Variants in PPP1R12B observed in about 807,000 individuals in gnomAD.
The protein encoded by PPP1R12B is protein phosphatase 1 regulatory subunit 12B.
PPP1R12B carries 76 observed loss-of-function variants against 126.1 expected under a neutral mutation model. The ratio of observed to expected loss-of-function variants is 0.60; its 90% CI spans 0.50 to 0.73. The LOEUF (loss-of-function observed/expected upper bound fraction) is 0.73. Among genes scored for constraint, PPP1R12B ranks in the 30% least tolerant of loss-of-function variants. The pLI, the probability that PPP1R12B is intolerant of heterozygous loss-of-function variation, is 0.00. For missense variants in PPP1R12B, 1,052 were observed against 1,205.1 expected, an observed-to-expected ratio of 0.87 and a Z score of 1.88; for synonymous variants, 356 against 434.7, an observed-to-expected ratio of 0.82 and a Z score of 2.25.
intron 13 of PPP1R12B, among the ~76,000 whole-genome samples, chr1:202,459,486 T>C (rs1303793519): frequency 1.3e-5 from 2 of 152,210 alleles, no homozygotes; most frequent in Non-Finnish European, 2.9e-5. Flanking sequence ...TAAAACAGTT[T>C]ATTCCTTTTT....
rs796627172 is a variant in PPP1R12B, at chr1:202,526,300, C to T, written c.2490+29478C>T. 4.6e-5 allele frequency among the ~76,000 whole-genome samples: 7 copies of T among 152,070 alleles called. 1 individual carries two copies. The highest frequency in any genetic ancestry group is 1.4e-4 in the African/African-American group (6 of 41,468). On this transcript the variant is annotated intron_variant, in intron 18 of 23. Coordinates refer to ENST00000608999, the MANE Select transcript of PPP1R12B (RefSeq NM_002481.4). ...AGCAAGACCAGCAGCCAAGAAAGAACGTGAGGAAGGAGGTGTTGGGTGTTT... is the reference window on the plus strand; with the variant it reads ...AGCAAGACCAGCAGCCAAGAAAGAATGTGAGGAAGGAGGTGTTGGGTGTTT...
rs780093896 is a variant in PPP1R12B, at chr1:202,496,849, C to T, written c.2490+27C>T. On this transcript the variant is annotated intron_variant, in intron 18 of 23. Transcript: ENST00000608999. Reference sequence around the variant, plus strand: ...TAAGTGACAAGCCAGTGAAGCATGTCTCTTGAGAGCACAGTCTTGCTCTTG... The same window carrying T: ...TAAGTGACAAGCCAGTGAAGCATGTTTCTTGAGAGCACAGTCTTGCTCTTG... 2.5e-6 allele frequency: 4 copies of T among 1,594,150 alleles called. No individual in the cohort carries two copies. In the South Asian group the frequency reaches 4.4e-5, roughly 18 times the overall value.
intron 8 of PPP1R12B, among the ~76,000 whole-genome samples, chr1:202,433,152 G>A (rs574156170): frequency 6.0e-4 from 92 of 152,300 alleles, no homozygotes; most frequent in African/African-American, 2.0e-3. Flanking sequence ...TGTAGTACCT[G>A]TCAGAATTTA....
chr1:202,400,529 T>A lies in PPP1R12B; in HGVS notation c.292-16258T>A, dbSNP rs372676261. ...TTTAAACTAAGTCTTTCAGACCATGTAGAAGCTCTAAGCAGGAAAATGCAT... is the reference window on the plus strand; with the variant it reads ...TTTAAACTAAGTCTTTCAGACCATGAAGAAGCTCTAAGCAGGAAAATGCAT... On this transcript the variant is annotated intron_variant, in intron 1 of 23. Transcript: ENST00000608999. 2.0e-5 allele frequency among the ~76,000 whole-genome samples: 3 copies of A among 152,212 alleles called. No individual in the cohort carries two copies. In the East Asian group the frequency reaches 5.8e-4, roughly 29 times the overall value.
intron 1 of PPP1R12B, among the ~76,000 whole-genome samples, chr1:202,354,188 G>A (rs74828998): frequency 0.19 from 29,444 of 151,970 alleles, 3,016 homozygotes; most frequent in Non-Finnish European, 0.22. Context: ...TGACAAATGC[G>A]TACAGTTGTG....
chr1:202,509,583 T>A (rs1375580331), intron 18 of PPP1R12B, among the ~76,000 whole-genome samples: 2 of 152,216 alleles, frequency 1.3e-5, no homozygotes, highest in African/African-American at 4.8e-5. Flanking sequence ...ATTATGACCG[T>A]AAGTAAATTT....
intron 13 of PPP1R12B, among the ~76,000 whole-genome samples, chr1:202,467,579 T>G (rs574834871): frequency 1.4e-4 from 22 of 152,344 alleles, no homozygotes; most frequent in African/African-American, 5.3e-4. Flanking sequence ...CTGCATAGTA[T>G]TCCATGGTGT....
intron 15 of PPP1R12B, 123 bp downstream of exon 15, chr1:202,493,440 G>A: frequency 9.2e-7 from 1 of 1,087,602 alleles, no homozygotes; most frequent in Non-Finnish European, 1.3e-6. Context: ...ACTCAGTATG[G>A]CTGTCTTTAG....
At chr1:202,563,221 G>A (rs1272521121) in intron 20 of PPP1R12B, among the ~76,000 whole-genome samples, 1 of 152,070 alleles carries the variant, frequency 6.6e-6, no homozygotes, top group Non-Finnish European at 1.5e-5. Context: ...GGTTCATAGG[G>A]TCCTCCTGCC....
At chr1:202,550,963 C>T (rs1377013139) in intron 18 of PPP1R12B, among the ~76,000 whole-genome samples, 1 of 152,078 alleles carries the variant, frequency 6.6e-6, no homozygotes, top group Non-Finnish European at 1.5e-5. Flanking sequence ...GGAATATTCA[C>T]AAAAGGGAGG....
chr1:202,537,089 C>T (rs1193544138), intron 18 of PPP1R12B, among the ~76,000 whole-genome samples: 4 of 152,192 alleles, frequency 2.6e-5, no homozygotes, highest in Non-Finnish European at 5.9e-5. Context: ...TGGCTCACGC[C>T]TGTAATCCCA....
intron 18 of PPP1R12B, among the ~76,000 whole-genome samples, chr1:202,546,128 G>T (rs1473215360): frequency 1.3e-5 from 2 of 152,186 alleles, no homozygotes; most frequent in Non-Finnish European, 2.9e-5. Context: ...CAGTATTCCG[G>T]GTGAGAAATG....
intron 1 of PPP1R12B, among the ~76,000 whole-genome samples, chr1:202,370,453 A>T (rs1660019967): frequency 6.6e-6 from 1 of 152,176 alleles, no homozygotes; most frequent in Non-Finnish European, 1.5e-5. Flanking sequence ...AGATGCTGTG[A>T]GTAGTCTACA....
intron 1 of PPP1R12B, among the ~76,000 whole-genome samples, chr1:202,391,643 A>AAAAC (rs1211813661): frequency 5.2e-5 from 6 of 114,858 alleles, no homozygotes; most frequent in Non-Finnish European, 9.2e-5. Flanking sequence ...AAGATAAATG[A>AAAAC]ATTATCTTCA....
intron 18 of PPP1R12B, among the ~76,000 whole-genome samples, chr1:202,555,929 G>A (rs1686881400): frequency 6.7e-6 from 1 of 149,576 alleles, no homozygotes; most frequent in Non-Finnish European, 1.5e-5. Flanking sequence ...AGGCTGGAGT[G>A]CAGTGACGCT....
chr1:202,544,088 T>C lies in PPP1R12B; in HGVS notation c.2491-14789T>C, dbSNP rs544992056. Among the ~76,000 whole-genome samples, 9 of 152,326 alleles carry C rather than the reference T, an allele frequency of 5.9e-5. No homozygotes were observed. The South Asian group carries it at 1.9e-3, about 32-fold the overall frequency. ...TAATGGGAACCACACCAGGTAGATATTGATGAGAATTTGAAAGCTCAGTCT... is the reference window on the plus strand; with the variant it reads ...TAATGGGAACCACACCAGGTAGATACTGATGAGAATTTGAAAGCTCAGTCT... On this transcript the variant is annotated intron_variant, in intron 18 of 23. Coordinates refer to ENST00000608999, the MANE Select transcript of PPP1R12B (RefSeq NM_002481.4).
intron 14 of PPP1R12B, among the ~76,000 whole-genome samples, chr1:202,489,417 T>TTG (rs1328099500): frequency 2.6e-5 from 4 of 152,202 alleles, no homozygotes; most frequent in African/African-American, 7.2e-5. Flanking sequence ...ATATAGGTGT[T>TTG]TGTAATAGTA....
rs368133673 is a variant in PPP1R12B at position 202,425,668 on chromosome 1, G to T, written c.644G>T (p.Arg215Leu). The change falls in exon 4 of 24, where the codon CGC becomes CTC. Residue 215 changes from arginine (R) to leucine (L), a missense_variant. Transcript: ENST00000608999. ...AAAATAGAGGATGTGAGGCAGGCTC[G>T]CTCAGGGGCTACAGCCCTTCATGTG... is the stretch of plus-strand genomic sequence containing the variant. ...SGKIEDVRQA[R>L]SGATALHVAA... is the part of the protein sequence containing the mutation. 2.5e-6 allele frequency: 4 copies of T among 1,613,808 alleles called. No individual in the cohort carries two copies. In the African/African-American group the frequency reaches 4.0e-5, roughly 16 times the overall value.
intron 18 of PPP1R12B, among the ~76,000 whole-genome samples, chr1:202,500,669 G>A (rs1680128507): frequency 6.6e-6 from 1 of 152,106 alleles, no homozygotes; most frequent in African/African-American, 2.4e-5. Context: ...GCACTAAAGG[G>A]TGAATATAGT....
Sources: allele counts gnomAD v4.1 joint callset (sites outside exome capture counted in the v4.1 genomes callset), GRCh38; gene constraint gnomAD v4.1.1; transcripts MANE v1.5; gene names NCBI Gene and HGNC (gene_info 2026-07-23, HGNC 2026-07-21).